The following DAG1 variants were observed in gnomAD, a reference collection of about 807,000 sequenced individuals.
DAG1 encodes dystroglycan 1.
A neutral mutation model predicts 46.1 loss-of-function variants in DAG1; 8 were observed. The ratio of observed to expected loss-of-function variants is 0.17; its 90% confidence interval spans 0.10 to 0.31. The LOEUF (loss-of-function observed/expected upper bound fraction) is 0.31, where lower values mean the gene tolerates loss of function less well. Ranked by LOEUF, DAG1 falls within the 10% of genes least tolerant of loss-of-function variation. The pLI, the probability that DAG1 is intolerant of heterozygous loss-of-function variation, is 1.00. For missense variants in DAG1, 1,003 were observed against 1,189.9 expected, an observed-to-expected ratio of 0.84 and a Z score of 2.31; for synonymous variants, 495 against 481.8, an observed-to-expected ratio of 1.03 and a Z score of -0.36.
chr3:49,501,564 C>G (rs1300932355), intron 1 of DAG1, among the ~76,000 whole-genome samples: 1 of 152,178 alleles, frequency 6.6e-6, no homozygotes, highest in African/African-American at 2.4e-5. Context: ...GTAATCCCAG[C>G]ACTTTGGGAG....
intron 2 of DAG1, chr3:49,511,032 A>T: frequency 2.1e-6 from 2 of 934,502 alleles, no homozygotes; most frequent in Non-Finnish European, 2.6e-6. Flanking sequence ...TTCTGAGGGC[A>T]TCACCATGTA....
Position 49,533,376 on chromosome 3 carries a change from G to A in DAG1, c.*177G>A, listed in dbSNP as rs969240904. ...CTCTCTGGTCCTCCCAAACCCCAAAGCAGCTGGAGAGACTTTGGGGACTTT... is the reference window on the plus strand; with the variant it reads ...CTCTCTGGTCCTCCCAAACCCCAAAACAGCTGGAGAGACTTTGGGGACTTT... On this transcript the variant is annotated 3_prime_UTR_variant, in exon 3 of 3. Transcript: ENST00000308775. 3.2e-6 allele frequency: 3 copies of A among 932,482 alleles called. No homozygotes were observed. Among genetic ancestry groups the A allele is most frequent in the Non-Finnish European group, 5.0e-6 (3 of 595,614 alleles). The allele number at this position is 932,482 out of a possible 1,614,324, so 57.8% of individuals were successfully genotyped here. A position where few individuals can be genotyped will look rare whatever the true frequency, so the allele number is the denominator to read the frequency against.
At position 49,486,294 on chromosome 3, in the gene DAG1, C is replaced by T. The variant is rs1456151243; in HGVS notation, c.-117+15861C>T. Reference sequence around the variant, plus strand: ...AGTGCAGTGGTACTATCTCGGCTCACTGCAAGCTCCGCCTCCCAGGTTCAC... The same window carrying T: ...AGTGCAGTGGTACTATCTCGGCTCATTGCAAGCTCCGCCTCCCAGGTTCAC... On this transcript the variant is annotated intron_variant, in intron 1 of 2. Coordinates refer to ENST00000308775, the MANE Select transcript of DAG1 (RefSeq NM_004393.6). Among the ~76,000 whole-genome samples, 3 of 151,950 alleles carry T rather than the reference C, an allele frequency of 2.0e-5. 1 individual carries two copies. The highest frequency in any genetic ancestry group is 2.0e-4 in the Admixed American group (3 of 15,230).
intron 1 of DAG1, among the ~76,000 whole-genome samples, chr3:49,499,848 G>C (rs1261693772): frequency 6.6e-6 from 1 of 152,082 alleles, no homozygotes; most frequent in African/African-American, 2.4e-5. Flanking sequence ...TGATTTCCTA[G>C]TTATATCCCT....
At chr3:49,520,700 C>G (rs1009610647) in intron 2 of DAG1, among the ~76,000 whole-genome samples, 3 of 152,200 alleles carry the variant, frequency 2.0e-5, no homozygotes, top group Admixed American at 6.5e-5. Flanking sequence ...GTGCCACCAC[C>G]AAGGCCCAAA....
chr3:49,469,281 C>A (rs1194833895), upstream of DAG1, among the ~76,000 whole-genome samples: 1 of 152,192 alleles, frequency 6.6e-6, no homozygotes, highest in Non-Finnish European at 1.5e-5. Flanking sequence ...TGGACCCATC[C>A]TGCGCATGGT....
At chr3:49,495,743 A>C (rs1173880290) in intron 1 of DAG1, among the ~76,000 whole-genome samples, 1 of 152,054 alleles carries the variant, frequency 6.6e-6, no homozygotes, top group Non-Finnish European at 1.5e-5. Context: ...AATACGGTGA[A>C]ACCCTGTCTG....
chr3:49,515,126 G>A (rs561043574), intron 2 of DAG1, among the ~76,000 whole-genome samples: 1 of 151,682 alleles, frequency 6.6e-6, no homozygotes, highest in Non-Finnish European at 1.5e-5. Flanking sequence ...GAGCCACCTT[G>A]CCCAGCCCAC....
chr3:49,500,960 G>A (rs2050434088), intron 1 of DAG1, among the ~76,000 whole-genome samples: 2 of 152,342 alleles, frequency 1.3e-5, no homozygotes, highest in African/African-American at 2.4e-5. Context: ...GTATATGGAT[G>A]CAGCCTATCA....
At chr3:49,514,284 CTTA>C (rs1272692075) in intron 2 of DAG1, among the ~76,000 whole-genome samples, 2 of 151,832 alleles carry the variant, frequency 1.3e-5, no homozygotes, top group African/African-American at 2.4e-5. Flanking sequence ...GAATTTTTTT[CTTA>C]TTATAATAAT....
At chr3:49,496,764 C>T (rs1289669334) in intron 1 of DAG1, among the ~76,000 whole-genome samples, 2 of 151,580 alleles carry the variant, frequency 1.3e-5, no homozygotes, top group Non-Finnish European at 2.9e-5. Context: ...GTAGCTGGGA[C>T]TACAGGCATG....
rs1252929509 is a variant in DAG1 at position 49,499,505 on chromosome 3, T to C, written c.-116-10914T>C. ...AACATTAAGTTTATGGCAAATTGAG[T>C]TGGTGCCCCATGTGCATTTGTTCTT... On this transcript the variant is annotated intron_variant, in intron 1 of 2. Transcript: ENST00000308775. 1.3e-5 allele frequency among the ~76,000 whole-genome samples: 2 copies of C among 152,202 alleles called. 1 individual carries two copies. The highest frequency in any genetic ancestry group is 4.8e-5 in the African/African-American group (2 of 41,448).
At chr3:49,484,202 A>G (rs572219100) in intron 1 of DAG1, among the ~76,000 whole-genome samples, 1 of 152,348 alleles carries the variant, frequency 6.6e-6, no homozygotes, top group East Asian at 1.9e-4. Context: ...AAGGGTCAAC[A>G]GTATGGTCCT....
chr3:49,469,164 C>T (rs529380172), upstream of DAG1: 1 of 152,412 alleles, frequency 6.6e-6, no homozygotes, highest in South Asian at 2.1e-4. Flanking sequence ...TCTCCGGGAT[C>T]CAGGGAGGAA....
intron 1 of DAG1, among the ~76,000 whole-genome samples, chr3:49,482,855 T>G (rs1575346687): frequency 6.6e-6 from 1 of 151,954 alleles, no homozygotes; most frequent in African/African-American, 2.4e-5. Flanking sequence ...TGTGAAGATT[T>G]CCCCCCCAGG....
intron 1 of DAG1, among the ~76,000 whole-genome samples, chr3:49,479,212 CTGT>C (rs1192860229): frequency 6.6e-6 from 1 of 152,100 alleles, no homozygotes; most frequent in Admixed American, 6.6e-5. Flanking sequence ...TCCCCTCAGC[CTGT>C]TGTTCACCTT....
chr3:49,472,370 A>G (rs1026849328), intron 1 of DAG1, among the ~76,000 whole-genome samples: 4 of 152,104 alleles, frequency 2.6e-5, no homozygotes, highest in African/African-American at 9.7e-5. Flanking sequence ...AAGGATTTAA[A>G]TTCCTTGTTG....
chr3:49,491,900 T>C (rs1378487395), intron 1 of DAG1, among the ~76,000 whole-genome samples: 1 of 151,496 alleles, frequency 6.6e-6, no homozygotes, highest in African/African-American at 2.4e-5. Context: ...ATTACAGGCG[T>C]GAGCTGCCTC....
At chr3:49,515,409 C>T (rs1256915754) in intron 2 of DAG1, among the ~76,000 whole-genome samples, 16 of 124,618 alleles carry the variant, frequency 1.3e-4, no homozygotes, top group Admixed American at 3.5e-4. Context: ...TTTTTTGAGA[C>T]AGGGTCTTGC....
Sources: gnomAD v4.1 joint callset for allele counts (sites outside exome capture counted in the v4.1 genomes callset) on GRCh38, gnomAD v4.1.1 for gene constraint, MANE v1.5 for transcripts, NCBI Gene and HGNC (gene_info 2026-07-23, HGNC 2026-07-21) for gene names.